The following STPG4 variants were observed in gnomAD, a reference collection of about 807,000 sequenced individuals.
The protein encoded by STPG4 is sperm-tail PG-rich repeat containing 4, also known as protein STPG4.
Under a neutral mutation model 31.5 loss-of-function variants are expected in STPG4, and 41 were observed. That is an observed-to-expected ratio of 1.30 (90% CI 1.01 to 1.69). The LOEUF (loss-of-function observed/expected upper bound fraction) is 1.69, where lower values mean the gene tolerates loss of function less well. STPG4 is among the 40% of genes most tolerant of loss of function. STPG4 has a pLI of 0.00. For missense variants in STPG4, 375 were observed against 293.4 expected, an observed-to-expected ratio of 1.28 and a Z score of -2.03; for synonymous variants, 141 against 103.0, an observed-to-expected ratio of 1.37 and a Z score of -2.24.
intron 5 of STPG4, among the ~76,000 whole-genome samples, chr2:47,122,984 C>T (rs552799428): frequency 2.7e-4 from 41 of 152,176 alleles, no homozygotes; most frequent in Non-Finnish European, 5.4e-4. Context: ...TGCCACCACG[C>T]CCAGCTAATT....
chr2:47,138,206 T>C (rs1202802455), intron 3 of STPG4, among the ~76,000 whole-genome samples: 1 of 152,224 alleles, frequency 6.6e-6, no homozygotes, highest in East Asian at 1.9e-4. Flanking sequence ...TATTTTAACA[T>C]TTCTCTTCAG....
At chr2:47,087,154 G>A (rs1573137723) in intron 6 of STPG4, 24 bp from the exon 7 acceptor site, 1 of 1,550,310 alleles carries the variant, frequency 6.5e-7, no homozygotes, top group Non-Finnish European at 8.7e-7. Flanking sequence ...AGAAAACAGG[G>A]ACTGATGAGA....
At chr2:47,108,921 C>T (rs1433262675) in intron 5 of STPG4, 1 of 152,248 alleles carries the variant, frequency 6.6e-6, no homozygotes, top group African/African-American at 2.4e-5. Context: ...GCCATTTTGC[C>T]TAGCCCAAGG....
At chr2:47,112,340 T>G (rs898020791) in intron 5 of STPG4, among the ~76,000 whole-genome samples, 1 of 112,980 alleles carries the variant, frequency 8.9e-6, no homozygotes, top group African/African-American at 3.2e-5. Flanking sequence ...CTAATTTTTG[T>G]TTTTTTTTTT....
At chr2:47,131,865 T>C (rs1348214616) in intron 3 of STPG4, among the ~76,000 whole-genome samples, 1 of 152,152 alleles carries the variant, frequency 6.6e-6, no homozygotes, top group African/African-American at 2.4e-5. Flanking sequence ...GATATAAGAA[T>C]GTCAGGAACT....
intron 5 of STPG4, among the ~76,000 whole-genome samples, chr2:47,127,922 G>T (rs1318076722): frequency 2.6e-5 from 4 of 152,138 alleles, no homozygotes; most frequent in African/African-American, 9.7e-5. Context: ...GGGCATTGTA[G>T]AGTTAGGTGT....
chr2:47,097,232 C>A (rs1003051765), intron 5 of STPG4, among the ~76,000 whole-genome samples: 1 of 152,198 alleles, frequency 6.6e-6, no homozygotes, highest in African/African-American at 2.4e-5. Context: ...AGAGCAAATC[C>A]TTTAATATGA....
In STPG4 at chr2:47,151,295, GGT is replaced by G; in HGVS notation, c.360_361del (p.Lys120AsnfsTer10). On this transcript the variant is annotated frameshift_variant, in exon 3 of 7. Coordinates refer to ENST00000445927, the MANE Select transcript of STPG4 (RefSeq NM_001163561.2). LOFTEE classifies it high-confidence loss of function. ...AACTAGTGTGCTGGGGCTTGGCCGTGGTTTGTCTTTGAATGAGTAAGTAGCCA... is the reference window on the plus strand; with the variant it reads ...AACTAGTGTGCTGGGGCTTGGCCGTGTTGTCTTTGAATGAGTAAGTAGCCA... 6.2e-7 allele frequency: 1 copy of G among 1,614,148 alleles called. No homozygotes were observed.
Position 47,151,295 on chromosome 2 carries a change from G to A in STPG4, c.362C>T (p.Pro121Leu). 6.2e-7 allele frequency: 1 copy of A among 1,614,148 alleles called. No individual in the cohort carries two copies. The highest frequency in any genetic ancestry group is 1.1e-5 in the South Asian group (1 of 91,080). ...AACTAGTGTGCTGGGGCTTGGCCGT[G>A]GTTTGTCTTTGAATGAGTAAGTAGC... ...QVATYSFKDK[P>L]RPSPSTLVDK... is the part of the protein sequence containing the mutation. Residue 121 changes from proline to leucine, a missense_variant, in exon 3 of 7, where the codon CCA becomes CTA. By Grantham distance (98) the Pro-to-Leu change is moderately conservative. Transcript: ENST00000445927.
At chr2:47,153,405 C>T (rs958654641) in intron 1 of STPG4, among the ~76,000 whole-genome samples, 1 of 152,164 alleles carries the variant, frequency 6.6e-6, no homozygotes, top group Admixed American at 6.5e-5. Context: ...ACCCAACCCT[C>T]GTGCTTCCTC....
intron 5 of STPG4, among the ~76,000 whole-genome samples, chr2:47,119,351 A>G (rs368196285): frequency 2.0e-5 from 3 of 152,246 alleles, no homozygotes; most frequent in Non-Finnish European, 4.4e-5. Context: ...GGATGAGGTG[A>G]TATCAGTAAA....
intron 3 of STPG4, among the ~76,000 whole-genome samples, chr2:47,144,945 A>T (rs1226394385): frequency 6.6e-6 from 1 of 152,182 alleles, no homozygotes; most frequent in African/African-American, 2.4e-5. Context: ...TTAGCCAGGA[A>T]GGTCTTGATC....
chr2:47,142,668 A>G (rs1686738624), intron 3 of STPG4, among the ~76,000 whole-genome samples: 1 of 152,112 alleles, frequency 6.6e-6, no homozygotes, highest in South Asian at 2.1e-4. Flanking sequence ...TGATTATGAA[A>G]GTATTTCTCA....
chr2:47,093,944 C>T (rs751989586), intron 5 of STPG4, among the ~76,000 whole-genome samples: 2 of 152,226 alleles, frequency 1.3e-5, no homozygotes, highest in Non-Finnish European at 2.9e-5. Context: ...ACTGCTGCCC[C>T]ATCCGAGGAC....
chr2:47,133,788 G>A lies in STPG4; in HGVS notation c.400-3528C>T, dbSNP rs1037654441. On this transcript the variant is annotated intron_variant, in intron 3 of 6. Transcript: ENST00000445927. ...GACAGGGCTTCTCCATGTTGGTCACGCTGGTCTCAAATGCCCGACCTCAGG... is the reference window on the plus strand; with the variant it reads ...GACAGGGCTTCTCCATGTTGGTCACACTGGTCTCAAATGCCCGACCTCAGG... Among the ~76,000 whole-genome samples the A allele has an allele frequency of 3.3e-5, 5 of 151,688 alleles. No individual in the cohort carries two copies. In the South Asian group the frequency reaches 6.3e-4, roughly 19 times the overall value.
At chr2:47,109,875 A>G (rs967009687) in intron 5 of STPG4, among the ~76,000 whole-genome samples, 1 of 152,216 alleles carries the variant, frequency 6.6e-6, no homozygotes, top group African/African-American at 2.4e-5. Context: ...TTGAGGGCAT[A>G]GTCTATGCCA....
chr2:47,120,595 T>G (rs1454332291), intron 5 of STPG4, among the ~76,000 whole-genome samples: 2 of 151,834 alleles, frequency 1.3e-5, no homozygotes, highest in Non-Finnish European at 2.9e-5. Flanking sequence ...GGTTAGAGTT[T>G]AGTCCCAGTT....
chr2:47,107,779 G>A (rs989118473), intron 5 of STPG4, among the ~76,000 whole-genome samples: 1 of 152,136 alleles, frequency 6.6e-6, no homozygotes, highest in African/African-American at 2.4e-5. Context: ...TTTATGTCTA[G>A]CTCAGGGATT....
intron 5 of STPG4, among the ~76,000 whole-genome samples, chr2:47,092,811 T>C (rs1685598310): frequency 6.9e-6 from 1 of 144,982 alleles, no homozygotes; most frequent in Middle Eastern, 3.3e-3. Flanking sequence ...TTTTTTTTTT[T>C]TGAGACAGTC....
Sources: gnomAD v4.1 joint callset for allele counts (sites outside exome capture counted in the v4.1 genomes callset) on GRCh38, gnomAD v4.1.1 for gene constraint, MANE v1.5 for transcripts, NCBI Gene and HGNC (gene_info 2026-07-23, HGNC 2026-07-21) for gene names.